LMBRD1: variants seen among roughly 807,000 people sequenced by gnomAD.
LMBRD1 encodes the protein lysosomal cobalamin transport escort protein LMBD1.
A neutral mutation model predicts 74.8 loss-of-function variants in LMBRD1; 64 were observed. That is an observed-to-expected ratio of 0.86 (90% CI 0.70 to 1.05). LMBRD1 has a LOEUF of 1.05. Among genes scored for constraint, LMBRD1 ranks in the 50% least tolerant of loss-of-function variants. The probability of loss-of-function intolerance (pLI) is 0.00; values close to 1 mark genes in which losing one functional copy is unlikely to be tolerated. For synonymous variants in LMBRD1, 204 were observed against 216.3 expected (o/e 0.94, Z 0.50); for missense variants, 652 against 645.9 (o/e 1.01, Z -0.10).
intron 2 of LMBRD1, 117 bp downstream of exon 2, chr6:69,790,179 T>G (rs1416262686): frequency 1.4e-6 from 1 of 735,398 alleles, no homozygotes; most frequent in Non-Finnish European, 2.4e-6. Flanking sequence ...GCTTCTATGT[T>G]GTATTTCCAT....
At chr6:69,709,466 G>C (rs1403834963) in intron 9 of LMBRD1, among the ~76,000 whole-genome samples, 1 of 151,962 alleles carries the variant, frequency 6.6e-6, no homozygotes, top group Non-Finnish European at 1.5e-5. Context: ...TCCTAACTTA[G>C]GATCAGACAT....
chr6:69,744,116 A>C (rs1271745123), intron 5 of LMBRD1, among the ~76,000 whole-genome samples: 3 of 152,232 alleles, frequency 2.0e-5, no homozygotes, highest in African/African-American at 7.2e-5. Context: ...CAGGTATACT[A>C]AAGTATACTA....
In LMBRD1 at chr6:69,718,999, T is replaced by A; in HGVS notation, c.719A>T (p.Asp240Val). The A allele has an allele frequency of 1.9e-6, 3 of 1,613,436 alleles. No homozygotes were observed. Among genetic ancestry groups the A allele is most frequent in the Non-Finnish European group, 2.5e-6 (3 of 1,179,550 alleles). ...AAYERLENTE[D>V]IEEVEQHIQT... is the part of the protein sequence containing the mutation. ...AATGTGTTGTTCTACTTCTTCAATG[T>A]CTTCAGTGTTTTCCAAACGTTCATA... Residue 240 changes from aspartate (D) to valine (V), a missense_variant, in exon 8 of 16, where the codon GAC becomes GTC. Transcript: ENST00000649934.
At chr6:69,701,026 A>T (rs1766118186) in intron 11 of LMBRD1, among the ~76,000 whole-genome samples, 157 bp from the exon 12 acceptor site, 1 of 151,704 alleles carries the variant, frequency 6.6e-6, no homozygotes, top group Non-Finnish European at 1.5e-5. Flanking sequence ...AAAAATCCTC[A>T]AAAAACTAAC....
chr6:69,783,980 T>C (rs537629588), intron 2 of LMBRD1, among the ~76,000 whole-genome samples: 1 of 152,300 alleles, frequency 6.6e-6, no homozygotes, highest in South Asian at 2.1e-4. Flanking sequence ...GCAACAGGAG[T>C]ATTGCTGTTA....
At chr6:69,749,789 A>G (rs1765079478) in intron 4 of LMBRD1, among the ~76,000 whole-genome samples, 1 of 150,562 alleles carries the variant, frequency 6.6e-6, no homozygotes, top group African/African-American at 2.4e-5. Flanking sequence ...AATAAACACA[A>G]TATATACGTT....
chr6:69,724,520 T>A (rs1297019319), intron 7 of LMBRD1, among the ~76,000 whole-genome samples: 4 of 140,318 alleles, frequency 2.9e-5, no homozygotes, highest in Non-Finnish European at 6.4e-5. Flanking sequence ...TGTTGAACCA[T>A]CCCTTGCACC....
intron 5 of LMBRD1, among the ~76,000 whole-genome samples, chr6:69,747,688 G>A (rs1765017958): frequency 6.6e-6 from 1 of 152,156 alleles, no homozygotes. Flanking sequence ...CCTCCACAAT[G>A]TAAACCTAGA....
chr6:69,682,636 C>T (rs1437004462), intron 14 of LMBRD1, among the ~76,000 whole-genome samples: 1 of 151,992 alleles, frequency 6.6e-6, no homozygotes, highest in Non-Finnish European at 1.5e-5. Flanking sequence ...CTGAGACTTA[C>T]TATCTGCTGG....
intron 14 of LMBRD1, among the ~76,000 whole-genome samples, chr6:69,677,986 AAC>A (rs1331219963): frequency 6.6e-6 from 1 of 152,142 alleles, no homozygotes; most frequent in Non-Finnish European, 1.5e-5. Context: ...GGCCTGTGGC[AAC>A]ACAGTACAGT....
intron 8 of LMBRD1, among the ~76,000 whole-genome samples, chr6:69,718,153 T>C (rs561883439): frequency 6.6e-6 from 1 of 152,296 alleles, no homozygotes; most frequent in South Asian, 2.1e-4. Context: ...GTAAGATTTA[T>C]CTGTTACTTG....
At chr6:69,796,770 C>G (rs1191365962) in intron 1 of LMBRD1, 43 bp downstream of exon 1, 4 of 1,582,612 alleles carry the variant, frequency 2.5e-6, no homozygotes. Context: ...CTCCCTTCCT[C>G]CCCCAGTCCA....
rs76405717 is a variant in LMBRD1, at chr6:69,690,121, C to T, written c.1417+7442G>A. On this transcript the variant is annotated intron_variant, in intron 14 of 15. Coordinates refer to ENST00000649934, the MANE Select transcript of LMBRD1 (RefSeq NM_018368.4). Reference sequence around the variant, plus strand: ...CCAATATTTTGAGCTGATCTTATTCCTTTCCTTCAGTTGGCTGGGTCATAA... The same window carrying T: ...CCAATATTTTGAGCTGATCTTATTCTTTTCCTTCAGTTGGCTGGGTCATAA... Among the ~76,000 whole-genome samples the T allele has an allele frequency of 8.4e-3, 1,275 of 151,148 alleles. 18 individuals carry two copies. Among genetic ancestry groups the T allele is most frequent in the African/African-American group, 0.029 (1,196 of 41,168 alleles).
chr6:69,762,184 A>T (rs1191061347), intron 3 of LMBRD1, among the ~76,000 whole-genome samples: 1 of 152,208 alleles, frequency 6.6e-6, no homozygotes, highest in East Asian at 1.9e-4. Flanking sequence ...TGGACATTTG[A>T]ATACTTTCCA....
chr6:69,729,251 A>G (rs1359593011), intron 7 of LMBRD1, among the ~76,000 whole-genome samples: 1 of 148,436 alleles, frequency 6.7e-6, no homozygotes, highest in Non-Finnish European at 1.5e-5. Flanking sequence ...ACAACTGTTA[A>G]TGCCCTTCAG....
intron 6 of LMBRD1, among the ~76,000 whole-genome samples, chr6:69,740,275 T>C (rs1311704748): frequency 6.6e-6 from 1 of 152,080 alleles, no homozygotes; most frequent in South Asian, 2.1e-4. Flanking sequence ...TATTCTAGAA[T>C]ATGGTGTTTA....
At chr6:69,792,681 ATTT>A (rs1582170904) in intron 1 of LMBRD1, among the ~76,000 whole-genome samples, 2 of 152,244 alleles carry the variant, frequency 1.3e-5, no homozygotes, top group African/African-American at 4.8e-5. Context: ...ATTCATAAAT[ATTT>A]TTAACATTCC....
chr6:69,690,523 G>A (rs1562085002), intron 14 of LMBRD1, among the ~76,000 whole-genome samples: 1 of 152,074 alleles, frequency 6.6e-6, no homozygotes, highest in Admixed American at 6.5e-5. Flanking sequence ...ACAACTTTTG[G>A]TAATAAATTC....
Position 69,752,377 on chromosome 6 carries a change from C to A in LMBRD1, c.308-21G>T, listed in dbSNP as rs748164832. 7.0e-6 allele frequency: 11 copies of A among 1,571,968 alleles called. 2 individuals carry two copies. The South Asian group carries it at 1.1e-4, about 16-fold the overall frequency. On this transcript the variant is annotated intron_variant, in intron 3 of 15. Coordinates refer to ENST00000649934, the MANE Select transcript of LMBRD1 (RefSeq NM_018368.4). ...TAAAGCTGTGGAAATAAATAATAAA[C>A]CGAGCTTTACTAAATACATATGTAC...
Sources: gnomAD v4.1 joint callset for allele counts (sites outside exome capture counted in the v4.1 genomes callset) on GRCh38, gnomAD v4.1.1 for gene constraint, MANE v1.5 for transcripts, NCBI Gene and HGNC (gene_info 2026-07-23, HGNC 2026-07-21) for gene names.